Variants in COL28A1 observed in about 807,000 individuals in gnomAD.
The protein encoded by COL28A1 is collagen alpha-1(XXVIII) chain.
Under a neutral mutation model 150.2 loss-of-function variants are expected in COL28A1, and 161 were observed. That is an observed-to-expected ratio of 1.07 (90% CI 0.94 to 1.22). The LOEUF is 1.22. COL28A1 is among the 50% of genes most tolerant of loss of function. COL28A1 has a pLI of 0.00. For synonymous variants in COL28A1, 552 were observed against 469.7 expected (o/e 1.18, Z -2.26); for missense variants, 1,617 against 1,388.3 (o/e 1.16, Z -2.62).
intron 8 of COL28A1, among the ~76,000 whole-genome samples, chr7:7,514,850 T>C (rs1427455031): frequency 6.6e-6 from 1 of 152,112 alleles, no homozygotes; most frequent in African/African-American, 2.4e-5. Flanking sequence ...TGACCTCTCC[T>C]GCCCCAACAA....
chr7:7,380,079 G>T (rs921886743), intron 30 of COL28A1, among the ~76,000 whole-genome samples: 2 of 152,048 alleles, frequency 1.3e-5, no homozygotes, highest in African/African-American at 4.8e-5. Flanking sequence ...AAGACAGATT[G>T]CCTTCAAAGC....
intron 27 of COL28A1, among the ~76,000 whole-genome samples, chr7:7,410,218 T>C (rs1178818209): frequency 6.6e-6 from 1 of 152,198 alleles, no homozygotes; most frequent in Non-Finnish European, 1.5e-5. Context: ...ACTTTTGATT[T>C]TGGTTTATAA....
intron 34 of COL28A1, among the ~76,000 whole-genome samples, chr7:7,360,148 A>T (rs1484767197): frequency 1.3e-5 from 2 of 152,206 alleles, no homozygotes; most frequent in African/African-American, 4.8e-5. Flanking sequence ...AATAAATAAG[A>T]ACTTTGAAAT....
intron 7 of COL28A1, among the ~76,000 whole-genome samples, chr7:7,517,092 C>A (rs1265112419): frequency 6.6e-6 from 1 of 152,082 alleles, no homozygotes; most frequent in African/African-American, 2.4e-5. Flanking sequence ...GTTTCCTGAA[C>A]ACAAATTTCA....
chr7:7,432,978 G>T (rs928828532), intron 23 of COL28A1, among the ~76,000 whole-genome samples: 1 of 151,896 alleles, frequency 6.6e-6, no homozygotes, highest in African/African-American at 2.4e-5. Flanking sequence ...GTTTCCTATT[G>T]TTGCGTTAAA....
At chr7:7,523,497 T>C (rs981517545) in intron 4 of COL28A1, among the ~76,000 whole-genome samples, 2 of 151,816 alleles carry the variant, frequency 1.3e-5, no homozygotes, top group Admixed American at 6.6e-5. Context: ...AACATAATGG[T>C]ATATCCGAAC....
intron 11 of COL28A1, among the ~76,000 whole-genome samples, chr7:7,496,833 AC>A (rs1221360730): frequency 6.6e-6 from 1 of 152,156 alleles, no homozygotes; most frequent in Non-Finnish European, 1.5e-5. Context: ...TATGCATGGG[AC>A]CAACTTTAAT....
chr7:7,441,449 T>C (rs780970335), intron 20 of COL28A1, among the ~76,000 whole-genome samples: 1 of 151,074 alleles, frequency 6.6e-6, no homozygotes, highest in Non-Finnish European at 1.5e-5. Context: ...AGAATTCCTT[T>C]ACCTTCAAAA....
At chr7:7,346,847 C>T in the COL28A1 span, among the ~76,000 whole-genome samples, 5 of 152,086 alleles carry the variant, frequency 3.3e-5, no homozygotes, top group Admixed American at 6.6e-5. Flanking sequence ...AAATATATCA[C>T]GAGAAAAACT....
At chr7:7,372,881 G>A (rs1781308297) in intron 32 of COL28A1, 117 bp downstream of exon 32, 3 of 752,866 alleles carry the variant, frequency 4.0e-6, no homozygotes, top group African/African-American at 1.8e-5. Context: ...ACCATTTAAT[G>A]TTGGCATAAG....
At chr7:7,415,696 G>T (rs1426755481) in intron 27 of COL28A1, among the ~76,000 whole-genome samples, 1 of 152,048 alleles carries the variant, frequency 6.6e-6, no homozygotes, top group Non-Finnish European at 1.5e-5. Flanking sequence ...ACCATGCCTG[G>T]CTAATTTTTG....
At chr7:7,460,387 G>GTTT (rs887745813) in intron 15 of COL28A1, among the ~76,000 whole-genome samples, 1 of 145,126 alleles carries the variant, frequency 6.9e-6, no homozygotes. Context: ...GTTTTTTGTT[G>GTTT]TTTTTTTTTT....
chr7:7,507,058 G>A lies in COL28A1; in HGVS notation c.972+59C>T, dbSNP rs996732523. The A allele has an allele frequency of 9.5e-6, 8 of 843,978 alleles. No homozygotes were observed. In the African/African-American group the frequency reaches 1.2e-4, roughly 12 times the overall value. 52.3% of individuals were successfully genotyped at this position (843,978 alleles called of 1,614,324 possible). ...GAGGGTGCAAGTGGGCAAGGGGATGGTTTAAAAACTCCCCAGGTGATTCTA... is the reference window on the plus strand; with the variant it reads ...GAGGGTGCAAGTGGGCAAGGGGATGATTTAAAAACTCCCCAGGTGATTCTA... On this transcript the variant is annotated intron_variant, in intron 10 of 34. Transcript: ENST00000399429.
the COL28A1 span, among the ~76,000 whole-genome samples, chr7:7,341,252 C>G: frequency 6.6e-6 from 1 of 152,242 alleles, no homozygotes; most frequent in Non-Finnish European, 1.5e-5. Flanking sequence ...AGAGATGTGT[C>G]AATTTTATTA....
At chr7:7,524,089 C>T (rs753640730) in intron 4 of COL28A1, 140 bp downstream of exon 4, 8 of 630,906 alleles carry the variant, frequency 1.3e-5, no homozygotes, top group Non-Finnish European at 1.9e-5. Context: ...AGATGGCTGC[C>T]TCAGAATAGA....
intron 33 of COL28A1, among the ~76,000 whole-genome samples, chr7:7,367,365 C>T (rs1045611847): frequency 6.6e-6 from 1 of 152,130 alleles, no homozygotes; most frequent in Non-Finnish European, 1.5e-5. Context: ...TAGAAATGCA[C>T]GTTTGTTCAA....
chr7:7,480,488 C>A (rs1274521089), intron 13 of COL28A1, among the ~76,000 whole-genome samples: 2 of 151,976 alleles, frequency 1.3e-5, no homozygotes, highest in African/African-American at 4.8e-5. Flanking sequence ...CAAACTCAAC[C>A]AAATTATTAA....
In COL28A1 at chr7:7,479,091, G is replaced by A. The variant is rs183243683; in HGVS notation, c.1165-1911C>T. 5.6e-4 allele frequency among the ~76,000 whole-genome samples: 86 copies of A among 152,346 alleles called. 1 individual carries two copies. The highest frequency in any genetic ancestry group is 3.1e-3 in the Admixed American group (47 of 15,308). On this transcript the variant is annotated intron_variant, in intron 13 of 34. Transcript: ENST00000399429. ...TGAGGGCTGCGAGGGCTGCCAGCAC[G>A]CTGTCACCTCTCACCATTTTATACA... is the stretch of plus-strand genomic sequence containing the variant.
intron 33 of COL28A1, among the ~76,000 whole-genome samples, chr7:7,369,546 G>T (rs1281957520): frequency 1.3e-5 from 2 of 152,176 alleles, no homozygotes; most frequent in African/African-American, 2.4e-5. Context: ...ATTTCAATCT[G>T]CAATTTAGTA....
Sources: gnomAD v4.1 joint callset for allele counts (sites outside exome capture counted in the v4.1 genomes callset) on GRCh38, gnomAD v4.1.1 for gene constraint, MANE v1.5 for transcripts, NCBI Gene and HGNC (gene_info 2026-07-23, HGNC 2026-07-21) for gene names.